Variants in MDGA2 observed in about 807,000 individuals in gnomAD.
MDGA2 encodes the protein MAM domain-containing glycosylphosphatidylinositol anchor protein 2.
A neutral mutation model predicts 117.8 loss-of-function variants in MDGA2; 40 were observed. The observed-to-expected ratio is 0.34, with a 90% CI of 0.26 to 0.44. The LOEUF is 0.44. Among genes scored for constraint, MDGA2 ranks in the 20% least tolerant of loss-of-function variants. The pLI, the probability that MDGA2 is intolerant of heterozygous loss-of-function variation, is 1.00. For synonymous variants in MDGA2, 452 were observed against 439.0 expected, an observed-to-expected ratio of 1.03 and a Z score of -0.37; for missense variants, 1,123 against 1,250.6, an observed-to-expected ratio of 0.90 and a Z score of 1.54.
At chr14:47,481,953 T>C (rs954731261) in intron 1 of MDGA2, among the ~76,000 whole-genome samples, 7 of 152,010 alleles carry the variant, frequency 4.6e-5, no homozygotes, top group Non-Finnish European at 8.8e-5. Context: ...AGGAGGATAT[T>C]GTTACCCCCA....
chr14:46,848,719 C>T (rs955424553), intron 15 of MDGA2, among the ~76,000 whole-genome samples: 18 of 150,954 alleles, frequency 1.2e-4, no homozygotes, highest in Non-Finnish European at 8.8e-5. Flanking sequence ...GATTGAGAGA[C>T]TGTGTCGGGA....
intron 1 of MDGA2, among the ~76,000 whole-genome samples, chr14:47,638,525 A>G (rs1033508906): frequency 2.0e-5 from 3 of 152,206 alleles, no homozygotes; most frequent in African/African-American, 7.2e-5. Context: ...TTTCACCTTC[A>G]TATTTATTCA....
At chr14:47,100,462 T>C (rs2138996265) in intron 5 of MDGA2, among the ~76,000 whole-genome samples, 1 of 152,272 alleles carries the variant, frequency 6.6e-6, no homozygotes, top group African/African-American at 2.4e-5. Context: ...CTATATAAGG[T>C]TAAACATGGA....
At chr14:47,297,454 G>A (rs1166948622) in intron 2 of MDGA2, among the ~76,000 whole-genome samples, 1 of 142,374 alleles carries the variant, frequency 7.0e-6, no homozygotes, top group African/African-American at 2.6e-5. Context: ...GAAGGGAAGG[G>A]GAGTGGAGGG....
chr14:46,958,019 T>C (rs1358519460), intron 8 of MDGA2, among the ~76,000 whole-genome samples: 3 of 152,200 alleles, frequency 2.0e-5, no homozygotes, highest in South Asian at 4.1e-4. Flanking sequence ...TTTTTTATTA[T>C]GCAATGAAAA....
At chr14:46,874,286 A>ATTT in intron 12 of MDGA2, 86 bp from the exon 13 acceptor site, 1 of 605,874 alleles carries the variant, frequency 1.7e-6, no homozygotes, top group Non-Finnish European at 2.4e-6. Context: ...AAAATATTAC[A>ATTT]TAGCAATAAT....
intron 1 of MDGA2, among the ~76,000 whole-genome samples, chr14:47,474,285 G>A (rs111243500): frequency 9.9e-4 from 150 of 152,152 alleles, no homozygotes; most frequent in African/African-American, 3.3e-3. Flanking sequence ...GGGAACTGAA[G>A]GACATCTTCA....
chr14:47,620,278 G>A (rs553672874), intron 1 of MDGA2, among the ~76,000 whole-genome samples: 1 of 152,326 alleles, frequency 6.6e-6, no homozygotes, highest in African/African-American at 2.4e-5. Flanking sequence ...ATAACTAGCA[G>A]TCATGACACT....
At chr14:47,595,356 G>A (rs769933176) in intron 1 of MDGA2, among the ~76,000 whole-genome samples, 6 of 151,802 alleles carry the variant, frequency 4.0e-5, no homozygotes, top group Admixed American at 1.3e-4. Context: ...CCAATTTGGC[G>A]AAACCCCTTT....
intron 15 of MDGA2, among the ~76,000 whole-genome samples, chr14:46,850,716 G>A (rs1444526376): frequency 6.6e-6 from 1 of 151,778 alleles, no homozygotes; most frequent in African/African-American, 2.4e-5. Context: ...TTTTTCCCTG[G>A]GGAAACTACC....
At chr14:46,969,099 A>G (rs1017326896) in intron 8 of MDGA2, among the ~76,000 whole-genome samples, 1 of 152,150 alleles carries the variant, frequency 6.6e-6, no homozygotes, top group Non-Finnish European at 1.5e-5. Context: ...TTATGGCTGC[A>G]TGGTATTCCA....
intron 9 of MDGA2, among the ~76,000 whole-genome samples, chr14:46,948,088 T>G (rs1885237116): frequency 6.6e-6 from 1 of 152,060 alleles, no homozygotes; most frequent in African/African-American, 2.4e-5. Context: ...CTGTTACATT[T>G]TTATACCCAT....
intron 1 of MDGA2, among the ~76,000 whole-genome samples, chr14:47,492,437 G>A (rs1894189835): frequency 6.6e-6 from 1 of 152,002 alleles, no homozygotes; most frequent in African/African-American, 2.4e-5. Context: ...AGTTTATAAT[G>A]AGTGCTCATT....
chr14:47,322,044 A>C (rs1889995305), intron 1 of MDGA2, among the ~76,000 whole-genome samples: 1 of 152,098 alleles, frequency 6.6e-6, no homozygotes, highest in African/African-American at 2.4e-5. Flanking sequence ...TCAACTTCAA[A>C]CGTAAGAGGA....
chr14:47,011,009 T>G (rs942857732), intron 8 of MDGA2, among the ~76,000 whole-genome samples: 4 of 152,096 alleles, frequency 2.6e-5, no homozygotes, highest in Non-Finnish European at 4.4e-5. Flanking sequence ...CTTCACATTA[T>G]GTTTATGTAC....
At chr14:47,500,998 T>C (rs770724446) in intron 1 of MDGA2, among the ~76,000 whole-genome samples, 9 of 152,188 alleles carry the variant, frequency 5.9e-5, no homozygotes, top group Non-Finnish European at 1.2e-4. Context: ...CATATTAATG[T>C]ATATTTTATA....
chr14:46,962,093 G>T (rs934609149), intron 8 of MDGA2, among the ~76,000 whole-genome samples: 2 of 152,148 alleles, frequency 1.3e-5, no homozygotes, highest in Non-Finnish European at 2.9e-5. Flanking sequence ...ATATGCTGAT[G>T]ACTAAAATGA....
intron 1 of MDGA2, among the ~76,000 whole-genome samples, chr14:47,578,007 T>C (rs749435866): frequency 5.9e-5 from 9 of 152,004 alleles, no homozygotes; most frequent in African/African-American, 1.5e-4. Context: ...AGCAAAGACA[T>C]AGAACCCACC....
intron 2 of MDGA2, among the ~76,000 whole-genome samples, chr14:47,257,272 T>C (rs1485821826): frequency 6.6e-6 from 1 of 152,116 alleles, no homozygotes; most frequent in Non-Finnish European, 1.5e-5. Context: ...CCTCTCACAA[T>C]GACATTTTCC....
Sources: gnomAD v4.1 joint callset for allele counts (sites outside exome capture counted in the v4.1 genomes callset) on GRCh38, gnomAD v4.1.1 for gene constraint, MANE v1.5 for transcripts, NCBI Gene and HGNC (gene_info 2026-07-23, HGNC 2026-07-21) for gene names.